The following TADA2A variants were observed in gnomAD, a reference collection of about 807,000 sequenced individuals.
TADA2A encodes transcriptional adaptor 2A, also known as transcriptional adapter 2-alpha.
In TADA2A, 38 loss-of-function variants were observed where a neutral mutation model predicts 67.4. That is an observed-to-expected ratio of 0.56 (90% confidence interval 0.44 to 0.74). The LOEUF is 0.74. Among genes scored for constraint, TADA2A ranks in the 30% least tolerant of loss-of-function variants. The pLI is 0.00. For missense variants in TADA2A, 454 were observed against 547.0 expected (o/e 0.83, Z 1.70); for synonymous variants, 192 against 181.6 (o/e 1.06, Z -0.46).
intron 8 of TADA2A, among the ~76,000 whole-genome samples, chr17:37,457,404 C>T (rs1052612925): frequency 1.3e-5 from 2 of 151,138 alleles, no homozygotes; most frequent in African/African-American, 4.9e-5. Flanking sequence ...TGATCTTGAA[C>T]TCCTGACCTC....
intron 8 of TADA2A, among the ~76,000 whole-genome samples, chr17:37,455,235 G>C (rs1439959752): frequency 6.7e-6 from 1 of 150,354 alleles, no homozygotes; most frequent in East Asian, 1.9e-4. Flanking sequence ...ATAGTGCCAA[G>C]TTTTGCATTA....
chr17:37,419,030 C>G (rs1041931500), intron 2 of TADA2A, among the ~76,000 whole-genome samples: 8 of 146,090 alleles, frequency 5.5e-5, no homozygotes, highest in African/African-American at 2.0e-4. Flanking sequence ...AGAGCCCAGC[C>G]TCTACTTTTG....
rs532903928 is a variant in TADA2A, at chr17:37,431,420, A to G, written c.192+4411A>G. On this transcript the variant is annotated intron_variant, in intron 4 of 15. Coordinates refer to ENST00000615182, the MANE Select transcript of TADA2A (RefSeq NM_001166105.3). ...TCTCATAATACATCATGTGCTAGGC[A>G]TATTCATAGTACGTGCTCAGATGAA... Among the ~76,000 whole-genome samples, 3 of 152,206 alleles carry G rather than the reference A, an allele frequency of 2.0e-5. No homozygotes were observed. In the Middle Eastern group the frequency reaches 0.01, roughly 518 times the overall value.
intron 2 of TADA2A, among the ~76,000 whole-genome samples, chr17:37,418,060 T>A (rs770709056): frequency 1.3e-5 from 2 of 152,230 alleles, no homozygotes; most frequent in Non-Finnish European, 2.9e-5. Context: ...AAGCGTGTCA[T>A]GTTGGTGACT....
At chr17:37,424,925 G>A (rs1027016376) in intron 3 of TADA2A, among the ~76,000 whole-genome samples, 15 of 152,056 alleles carry the variant, frequency 9.9e-5, no homozygotes, top group African/African-American at 3.4e-4. Flanking sequence ...GCAGTGGCGT[G>A]ATCTCGGTTC....
intron 6 of TADA2A, among the ~76,000 whole-genome samples, chr17:37,441,086 C>A (rs1056059686): frequency 5.0e-5 from 7 of 140,376 alleles, no homozygotes; most frequent in Non-Finnish European, 1.1e-4. Flanking sequence ...CAGAGTGAGA[C>A]TTCATCTCTT....
chr17:37,442,169 TCCAATTC>T (rs930796930), intron 6 of TADA2A, among the ~76,000 whole-genome samples: 3 of 151,430 alleles, frequency 2.0e-5, no homozygotes, highest in Admixed American at 6.6e-5. Context: ...TCAGCTAACT[TCCAATTC>T]CAGTGTTTGT....
At chr17:37,435,182 C>A (rs908071283) in intron 4 of TADA2A, among the ~76,000 whole-genome samples, 1 of 152,096 alleles carries the variant, frequency 6.6e-6, no homozygotes, top group Non-Finnish European at 1.5e-5. Flanking sequence ...TTTCAATGAA[C>A]GATGTTAGGA....
intron 2 of TADA2A, among the ~76,000 whole-genome samples, chr17:37,415,384 T>C (rs906364281): frequency 6.6e-6 from 1 of 152,218 alleles, no homozygotes; most frequent in Non-Finnish European, 1.5e-5. Flanking sequence ...TATGTTATTA[T>C]TCAAATAATT....
chr17:37,466,484 T>A lies in TADA2A; in HGVS notation c.823+943T>A, dbSNP rs901288581. On this transcript the variant is annotated intron_variant, in intron 11 of 15. Coordinates refer to ENST00000615182, the MANE Select transcript of TADA2A (RefSeq NM_001166105.3). Reference sequence around the variant, plus strand: ...TTAAAATAATATGGACTCTGGCTTGTTCTGTACCTTTCATCATGACATTTG... The same window carrying A: ...TTAAAATAATATGGACTCTGGCTTGATCTGTACCTTTCATCATGACATTTG... 3.9e-5 allele frequency among the ~76,000 whole-genome samples: 6 copies of A among 152,232 alleles called. No homozygotes were observed. The East Asian group carries it at 1.2e-3, about 29-fold the overall frequency.
intron 8 of TADA2A, among the ~76,000 whole-genome samples, chr17:37,447,222 C>T (rs911544868): frequency 6.6e-6 from 1 of 152,172 alleles, no homozygotes; most frequent in African/African-American, 2.4e-5. Flanking sequence ...AGCGCAGTAG[C>T]GTGATCTTGG....
At chr17:37,471,663 A>T (rs9913945) in intron 14 of TADA2A, among the ~76,000 whole-genome samples, 35,809 of 151,564 alleles carry the variant, frequency 0.24, 4,356 homozygotes, top group Middle Eastern at 0.35. Flanking sequence ...ATGCACCACC[A>T]CGCCTGGCTA....
intron 4 of TADA2A, among the ~76,000 whole-genome samples, chr17:37,429,535 G>A (rs901999936): frequency 6.6e-6 from 1 of 151,914 alleles, no homozygotes; most frequent in East Asian, 1.9e-4. Context: ...TTCCACCTAG[G>A]CCTCCCAAAG....
At position 37,459,483 on chromosome 17, in the gene TADA2A, A is replaced by G. The variant is rs538585448; in HGVS notation, c.668+896A>G. 2.0e-4 allele frequency among the ~76,000 whole-genome samples: 30 copies of G among 150,598 alleles called. 1 individual carries two copies. The South Asian group carries it at 2.9e-3, about 15-fold the overall frequency. ...TTTTTAATAGAGATGGAGTTTTGCCATGTTGTCCAGGCTGGTCTTGAACTC... is the reference window on the plus strand; with the variant it reads ...TTTTTAATAGAGATGGAGTTTTGCCGTGTTGTCCAGGCTGGTCTTGAACTC... On this transcript the variant is annotated intron_variant, in intron 9 of 15. Transcript: ENST00000615182.
chr17:37,431,259 C>T (rs1232428198), intron 4 of TADA2A, among the ~76,000 whole-genome samples: 2 of 152,064 alleles, frequency 1.3e-5, no homozygotes, highest in Non-Finnish European at 2.9e-5. Flanking sequence ...TATTATCTCC[C>T]ACAGTTTTGT....
At chr17:37,423,120 A>G (rs946757589) in intron 2 of TADA2A, among the ~76,000 whole-genome samples, 1 of 152,148 alleles carries the variant, frequency 6.6e-6, no homozygotes, top group African/African-American at 2.4e-5. Context: ...AGTCCTAACT[A>G]CTTGGGAGGC....
chr17:37,449,554 G>C (rs1159117103), intron 8 of TADA2A, among the ~76,000 whole-genome samples: 2 of 152,044 alleles, frequency 1.3e-5, no homozygotes, highest in Admixed American at 1.3e-4. Flanking sequence ...GCCAGCAAGA[G>C]GTAGAGTCAT....
At chr17:37,437,892 A>G in intron 5 of TADA2A, 63 bp downstream of exon 5, 2 of 1,489,306 alleles carry the variant, frequency 1.3e-6, no homozygotes, top group Middle Eastern at 3.5e-4. Flanking sequence ...CTGTTGTTGA[A>G]GAGTAAAGGA....
In TADA2A at chr17:37,479,449, T is replaced by G. The variant is rs553571037; in HGVS notation, c.*2467T>G. On this transcript the variant is annotated 3_prime_UTR_variant, in exon 16 of 16. Transcript: ENST00000615182. ...TTTTAAATGACTGGATTTTTGAAAG[T>G]AGGATTATTATTTCTTTGGTATACC... is the stretch of plus-strand genomic sequence containing the variant. The G allele has an allele frequency of 2.6e-5, 4 of 152,176 alleles. No homozygotes were observed. The highest frequency in any genetic ancestry group is 9.7e-5 in the African/African-American group (4 of 41,438). 9.4% of individuals were successfully genotyped at this position (152,176 alleles called of 1,614,324 possible).
Sources: gnomAD v4.1 joint callset for allele counts (sites outside exome capture counted in the v4.1 genomes callset) on GRCh38, gnomAD v4.1.1 for gene constraint, MANE v1.5 for transcripts, NCBI Gene and HGNC (gene_info 2026-07-23, HGNC 2026-07-21) for gene names.